The following RUVBL1 variants were observed in gnomAD, a reference collection of about 807,000 sequenced individuals.
RUVBL1 encodes ruvB-like 1.
RUVBL1 carries 4 observed loss-of-function variants against 52.4 expected under a neutral mutation model. That is an observed-to-expected ratio of 0.08 (90% confidence interval 0.04 to 0.17). RUVBL1 has a LOEUF of 0.17. Among genes scored for constraint, RUVBL1 ranks in the 10% least tolerant of loss-of-function variants. The pLI is 1.00. For missense variants in RUVBL1, 298 were observed against 572.8 expected (o/e 0.52, Z 4.90); for synonymous variants, 217 against 214.4 (o/e 1.01, Z -0.10).
At chr3:128,122,134 G>C (rs1943665193) in intron 1 of RUVBL1, among the ~76,000 whole-genome samples, 1 of 152,140 alleles carries the variant, frequency 6.6e-6, no homozygotes, top group Non-Finnish European at 1.5e-5. Context: ...TTAAAATACT[G>C]GCTCTCGCAC....
rs748275311 is a variant in RUVBL1, at chr3:128,104,893, A to G, written c.393T>C (p.Tyr131=). The change falls in exon 4 of 11, where the codon TAT becomes TAC. Residue 131 remains tyrosine, a synonymous_variant. Transcript: ENST00000322623. ...GLRIKETKEV[Y]EGEVTELTPC... Reference sequence around the variant, plus strand: ...GAGTTAGCTCTGTGACTTCACCTTCATAAACTTCCTTGGTCTCCTTTATTC... The same window carrying G: ...GAGTTAGCTCTGTGACTTCACCTTCGTAAACTTCCTTGGTCTCCTTTATTC... 9.3e-6 allele frequency: 15 copies of G among 1,611,850 alleles called. No homozygotes were observed. Among genetic ancestry groups the G allele is most frequent in the Admixed American group, 6.7e-5 (4 of 60,002 alleles).
intron 3 of RUVBL1, among the ~76,000 whole-genome samples, chr3:128,108,006 G>A (rs1174747189): frequency 4.6e-5 from 7 of 152,196 alleles, no homozygotes; most frequent in Admixed American, 3.3e-4. Flanking sequence ...GGCAGGGGAC[G>A]TGGGTGACGG....
intron 8 of RUVBL1, 143 bp downstream of exon 8, chr3:128,097,157 G>A: frequency 1.3e-6 from 1 of 785,562 alleles, no homozygotes; most frequent in Non-Finnish European, 2.1e-6. Context: ...CCAGAGGCAA[G>A]CCACTTGGCA....
At chr3:128,127,313 T>A (rs1050607449), upstream of RUVBL1, among the ~76,000 whole-genome samples, 1 of 152,222 alleles carries the variant, frequency 6.6e-6, no homozygotes, top group Admixed American at 6.5e-5. Flanking sequence ...GTGACACATA[T>A]GTAAGTAATT....
At chr3:128,153,596 C>G in exon 1 of RUVBL1, 3 of 1,587,894 alleles carry the variant, frequency 1.9e-6, no homozygotes, top group Non-Finnish European at 1.7e-6. Flanking sequence ...CTAAGCACCA[C>G]AGCCTCCACC....
chr3:128,087,901 C>G, intron 8 of RUVBL1, 93 bp from the exon 9 acceptor site: 1 of 887,358 alleles, frequency 1.1e-6, no homozygotes, highest in East Asian at 2.6e-5. Context: ...CCACAAGCAG[C>G]TGGCTAGGCA....
chr3:128,119,494 A>C (rs1943596285), intron 1 of RUVBL1, 80 bp from the exon 2 acceptor site: 1 of 1,106,162 alleles, frequency 9.0e-7, no homozygotes, highest in Admixed American at 2.0e-5. Flanking sequence ...CCTGGCCTAC[A>C]CAAGTCACAC....
chr3:128,103,914 G>T (rs1486173218), intron 4 of RUVBL1, among the ~76,000 whole-genome samples: 1 of 152,196 alleles, frequency 6.6e-6, no homozygotes, highest in Non-Finnish European at 1.5e-5. Flanking sequence ...ATAAGGCAAA[G>T]CCTAAAATCC....
At chr3:128,146,710 C>T (rs2687724) in intron 1 of RUVBL1, among the ~76,000 whole-genome samples, 2 of 133,624 alleles carry the variant, frequency 1.5e-5, no homozygotes, top group East Asian at 2.2e-4. Context: ...TGTCTCTGTG[C>T]GTGTGCATGG....
At chr3:128,109,610 C>T (rs1354764904) in intron 3 of RUVBL1, among the ~76,000 whole-genome samples, 2 of 152,036 alleles carry the variant, frequency 1.3e-5, no homozygotes, top group African/African-American at 2.4e-5. Context: ...CCTCCCACCC[C>T]AGCCTTCCGA....
chr3:128,130,964 A>G (rs1336414107), intron 1 of RUVBL1, among the ~76,000 whole-genome samples: 2 of 151,468 alleles, frequency 1.3e-5, no homozygotes, highest in East Asian at 3.9e-4. Flanking sequence ...TTTTTTTTCA[A>G]TTTTATTTGC....
chr3:128,083,950 T>C (rs946514100), intron 9 of RUVBL1: 5 of 152,288 alleles, frequency 3.3e-5, no homozygotes, highest in African/African-American at 1.2e-4. Flanking sequence ...TGGTGGCACA[T>C]GCCTGTAATC....
chr3:128,131,523 A>AC (rs35366499), intron 1 of RUVBL1, among the ~76,000 whole-genome samples: 2 of 145,688 alleles, frequency 1.4e-5, no homozygotes, highest in Non-Finnish European at 3.0e-5. Context: ...AAACAAACCA[A>AC]CAACAACAAC....
intron 6 of RUVBL1, among the ~76,000 whole-genome samples, chr3:128,099,992 T>TAG (rs1943075817): frequency 6.6e-6 from 1 of 152,174 alleles, no homozygotes; most frequent in East Asian, 1.9e-4. Flanking sequence ...TTCAGTAATC[T>TAG]CTTGACCAAA....
At chr3:128,123,863 G>A, upstream of RUVBL1, 1 of 1,345,214 alleles carries the variant, frequency 7.4e-7, no homozygotes, top group Non-Finnish European at 9.6e-7. Flanking sequence ...GGTGGAAGCG[G>A]GAACACCTCC....
intron 8 of RUVBL1, among the ~76,000 whole-genome samples, chr3:128,093,762 C>T (rs1942907665): frequency 6.6e-6 from 1 of 152,116 alleles, no homozygotes; most frequent in Non-Finnish European, 1.5e-5. Flanking sequence ...TAGGGAGGAG[C>T]CAGGCAAGAA....
chr3:128,136,688 C>A (rs915185175), intron 1 of RUVBL1, among the ~76,000 whole-genome samples: 3 of 147,938 alleles, frequency 2.0e-5, no homozygotes, highest in African/African-American at 5.0e-5. Context: ...TAAAGACACA[C>A]ACAGATGGAA....
chr3:128,151,921 T>A (rs1040189484), intron 1 of RUVBL1, among the ~76,000 whole-genome samples: 2 of 152,140 alleles, frequency 1.3e-5, no homozygotes, highest in Non-Finnish European at 2.9e-5. Flanking sequence ...GCCACAGTGT[T>A]ACAAAAACAC....
chr3:128,099,885 C>T (rs992627507), intron 6 of RUVBL1, among the ~76,000 whole-genome samples: 1 of 152,150 alleles, frequency 6.6e-6, no homozygotes, highest in Admixed American at 6.5e-5. Context: ...CTTCTGACTC[C>T]CAGCCCAGCA....
Sources: allele counts gnomAD v4.1 joint callset (sites outside exome capture counted in the v4.1 genomes callset), GRCh38; gene constraint gnomAD v4.1.1; transcripts MANE v1.5; gene names NCBI Gene and HGNC (gene_info 2026-07-23, HGNC 2026-07-21).